The following CAMTA1 variants were observed in gnomAD, a reference collection of about 807,000 sequenced individuals.
CAMTA1 encodes the protein calmodulin binding transcription activator 1, also known as calmodulin-binding transcription activator 1.
CAMTA1 carries 27 observed loss-of-function variants against 170.9 expected under a neutral mutation model. That is an observed-to-expected ratio of 0.16 (90% CI 0.12 to 0.22). The LOEUF is 0.22. Ranked by LOEUF, CAMTA1 falls within the 10% of genes least tolerant of loss-of-function variation. The pLI is 1.00. For missense variants in CAMTA1, 1,619 were observed against 2,217.2 expected, an observed-to-expected ratio of 0.73 and a Z score of 5.42; for synonymous variants, 833 against 891.5, an observed-to-expected ratio of 0.93 and a Z score of 1.17.
chr1:7,697,589 C>T (rs2096389946), intron 11 of CAMTA1, among the ~76,000 whole-genome samples: 1 of 152,206 alleles, frequency 6.6e-6, no homozygotes, highest in Non-Finnish European at 1.5e-5. Context: ...TAACATCCAA[C>T]ATGTGTGTAA....
chr1:7,278,890 C>G (rs981454227), intron 5 of CAMTA1, among the ~76,000 whole-genome samples: 1 of 152,128 alleles, frequency 6.6e-6, no homozygotes, highest in Admixed American at 6.5e-5. Flanking sequence ...ACTCTAAGAT[C>G]TGAGAGCAGG....
intron 5 of CAMTA1, among the ~76,000 whole-genome samples, chr1:7,449,654 C>T (rs969111155): frequency 6.6e-6 from 1 of 151,468 alleles, no homozygotes; most frequent in African/African-American, 2.4e-5. Flanking sequence ...TCTGTAATCC[C>T]AGCTACTTGG....
chr1:7,082,988 C>T (rs1308462332), intron 3 of CAMTA1, among the ~76,000 whole-genome samples: 1 of 152,188 alleles, frequency 6.6e-6, no homozygotes, highest in Non-Finnish European at 1.5e-5. Context: ...TAGTGCCTGG[C>T]ATATTGTAGG....
chr1:7,069,944 C>T (rs1638387803), intron 3 of CAMTA1, among the ~76,000 whole-genome samples: 1 of 152,348 alleles, frequency 6.6e-6, no homozygotes, highest in South Asian at 2.1e-4. Flanking sequence ...CAGCGTGAGG[C>T]CATCTTGGTT....
intron 4 of CAMTA1, among the ~76,000 whole-genome samples, chr1:7,099,343 G>A (rs1423181686): frequency 2.6e-5 from 4 of 152,164 alleles, no homozygotes; most frequent in Admixed American, 6.5e-5. Context: ...GAGTCAGTGC[G>A]TCCGGCCCTC....
chr1:7,530,977 C>T (rs866513442), intron 6 of CAMTA1, among the ~76,000 whole-genome samples: 10 of 151,840 alleles, frequency 6.6e-5, no homozygotes, highest in African/African-American at 1.7e-4. Flanking sequence ...CCACCATGCC[C>T]GGCTAATTTT....
At chr1:6,952,219 A>G (rs1265897196) in intron 3 of CAMTA1, among the ~76,000 whole-genome samples, 2 of 151,488 alleles carry the variant, frequency 1.3e-5, no homozygotes, top group Non-Finnish European at 2.9e-5. Context: ...TCACGAGGTC[A>G]GGAGATCGAG....
chr1:7,701,582 A>T (rs957067619), intron 11 of CAMTA1, among the ~76,000 whole-genome samples: 1 of 151,460 alleles, frequency 6.6e-6, no homozygotes, highest in Admixed American at 6.6e-5. Flanking sequence ...CACCCCGCTA[A>T]TTTTTTTTAA....
intron 11 of CAMTA1, among the ~76,000 whole-genome samples, chr1:7,720,067 G>C (rs1160277158): frequency 6.6e-6 from 1 of 152,260 alleles, no homozygotes; most frequent in Non-Finnish European, 1.5e-5. Flanking sequence ...CAAGACCTGA[G>C]ATGGCTCAGC....
At chr1:7,544,755 T>C (rs1397345846) in intron 6 of CAMTA1, among the ~76,000 whole-genome samples, 1 of 152,156 alleles carries the variant, frequency 6.6e-6, no homozygotes, top group East Asian at 1.9e-4. Context: ...TCACGCAGCT[T>C]CCACTCATGG....
chr1:7,049,644 A>ATGT (rs1705992136), intron 3 of CAMTA1, among the ~76,000 whole-genome samples: 1 of 152,010 alleles, frequency 6.6e-6, no homozygotes, highest in Non-Finnish European at 1.5e-5. Flanking sequence ...TTTACTAGAG[A>ATGT]TGAGGTTTCA....
At chr1:7,160,143 GGAGGCT>G (rs1392843380) in intron 4 of CAMTA1, among the ~76,000 whole-genome samples, 1 of 152,098 alleles carries the variant, frequency 6.6e-6, no homozygotes, top group African/African-American at 2.4e-5. Flanking sequence ...CAGGTACTTG[GGAGGCT>G]GAGGCAGGAG....
At chr1:6,794,213 G>A (rs1234085907) in intron 1 of CAMTA1, among the ~76,000 whole-genome samples, 3 of 152,126 alleles carry the variant, frequency 2.0e-5, no homozygotes, top group African/African-American at 7.2e-5. Flanking sequence ...GAAAAATATT[G>A]TTTGTCTTTT....
rs2096738428 is a variant in CAMTA1, at chr1:7,732,139, C to G, written c.2915-309C>G. ...GAGGGCTCTCTACCAGATCTCATGT[C>G]AGGGTTTCCGTTGGGGAATTTGACA... On this transcript the variant is annotated intron_variant, in intron 11 of 22. Coordinates refer to ENST00000303635, the MANE Select transcript of CAMTA1 (RefSeq NM_015215.4). This position sits in a 1 kb window ranked among gnomAD's most constrained non-coding sequence, Gnocchi z 4.1. Among the ~76,000 whole-genome samples, 1 of 151,534 alleles carries G rather than the reference C, an allele frequency of 6.6e-6. No individual in the cohort carries two copies. The highest frequency in any genetic ancestry group is 2.4e-5 in the African/African-American group (1 of 41,216).
rs1673524496 is a variant in CAMTA1, at chr1:6,887,422, G to A, written c.234+62212G>A. ...GAGACCCAGTTTTGGATTATCATAG[G>A]CGAAGAAGTCAGACATATATGGTTG... On this transcript the variant is annotated intron_variant, in intron 3 of 22. Transcript: ENST00000303635. This position sits in a 1 kb window ranked among gnomAD's most constrained non-coding sequence, Gnocchi z 4.1. Among the ~76,000 whole-genome samples, 1 of 152,154 alleles carries A rather than the reference G, an allele frequency of 6.6e-6. No homozygotes were observed. The highest frequency in any genetic ancestry group is 6.5e-5 in the Admixed American group (1 of 15,286).
At chr1:7,226,090 G>A (rs1031943267) in intron 4 of CAMTA1, among the ~76,000 whole-genome samples, 2 of 152,174 alleles carry the variant, frequency 1.3e-5, no homozygotes, top group African/African-American at 4.8e-5. Context: ...CATCCCCTGA[G>A]GATCCAAAAG....
intron 4 of CAMTA1, among the ~76,000 whole-genome samples, chr1:7,246,371 G>C (rs540715348): frequency 1.3e-5 from 2 of 152,100 alleles, no homozygotes; most frequent in Non-Finnish European, 2.9e-5. Flanking sequence ...CGCAAGTGGC[G>C]TGCCCCACTG....
chr1:7,310,647 T>TCTTTCTTTCTTTCTTTC (rs61161982), intron 5 of CAMTA1, among the ~76,000 whole-genome samples: 2 of 49,148 alleles, frequency 4.1e-5, no homozygotes, highest in African/African-American at 8.0e-5. Flanking sequence ...TTTCTTTCTT[T>TCTTTCTTTCTTTCTTTC]TTTCTTTCTT....
chr1:7,261,982 T>A (rs1057055563), intron 5 of CAMTA1, among the ~76,000 whole-genome samples: 1 of 152,220 alleles, frequency 6.6e-6, no homozygotes, highest in African/African-American at 2.4e-5. Flanking sequence ...GTCTACATGC[T>A]GTGCAGCAGA....
Sources: allele counts gnomAD v4.1 joint callset (sites outside exome capture counted in the v4.1 genomes callset), GRCh38; gene constraint gnomAD v4.1.1; non-coding constraint Gnocchi (gnomAD v3.1); transcripts MANE v1.5; gene names NCBI Gene and HGNC (gene_info 2026-07-23, HGNC 2026-07-21).